NUF2: variants seen among roughly 807,000 people sequenced by gnomAD.
NUF2 encodes NUF2 component of NDC80 kinetochore complex.
NUF2 carries 34 observed loss-of-function variants against 61.8 expected under a neutral mutation model. The observed-to-expected ratio is 0.55, with a 90% confidence interval of 0.42 to 0.73. The LOEUF (loss-of-function observed/expected upper bound fraction) is 0.73, where lower values mean the gene tolerates loss of function less well. Among genes scored for constraint, NUF2 ranks in the 30% least tolerant of loss-of-function variants. The pLI, the probability that NUF2 is intolerant of heterozygous loss-of-function variation, is 0.00. For missense variants in NUF2, 445 were observed against 539.1 expected (o/e 0.83, Z 1.73); for synonymous variants, 172 against 181.6 (o/e 0.95, Z 0.42).
chr1:163,338,927 A>C (rs1650848772), intron 7 of NUF2, among the ~76,000 whole-genome samples: 1 of 151,612 alleles, frequency 6.6e-6, no homozygotes, highest in South Asian at 2.1e-4. Context: ...AAAATAGCTA[A>C]TATATCAGAT....
rs12027430 is a variant in NUF2 at position 163,341,881 on chromosome 1, C to T, written c.669+1455C>T. Among the ~76,000 whole-genome samples, 2,245 of 152,232 alleles carry T rather than the reference C, an allele frequency of 0.015. 144 individuals carry two copies. In the East Asian group the frequency reaches 0.19, roughly 13 times the overall value. On this transcript the variant is annotated intron_variant, in intron 9 of 13. Coordinates refer to ENST00000271452, the MANE Select transcript of NUF2 (RefSeq NM_145697.3). ...CTGACCTCAGGGGACCTGCCCACCT[C>T]GGCCTCTGAAAGTGCCAGGATTACA...
At chr1:163,333,617 C>T (rs1650667618) in intron 5 of NUF2, among the ~76,000 whole-genome samples, 1 of 151,882 alleles carries the variant, frequency 6.6e-6, no homozygotes. Flanking sequence ...GTATTTGCTC[C>T]AAGTTTCAGT....
chr1:163,327,945 A>G (rs1650480717), intron 3 of NUF2: 2 of 379,338 alleles, frequency 5.3e-6, no homozygotes, highest in South Asian at 6.9e-5. Flanking sequence ...GATTGAAACA[A>G]TTGAAATGAG....
chr1:163,326,275 A>G, intron 2 of NUF2, 101 bp downstream of exon 2: 2 of 1,008,474 alleles, frequency 2.0e-6, no homozygotes, highest in Non-Finnish European at 2.9e-6. Context: ...CTCCTATTTG[A>G]TGGAGACCAG....
chr1:163,345,298 CGTT>C (rs1041793780), intron 10 of NUF2, among the ~76,000 whole-genome samples: 1 of 151,876 alleles, frequency 6.6e-6, no homozygotes, highest in African/African-American at 2.4e-5. Context: ...CTATAGTAGT[CGTT>C]ATTATACAAA....
chr1:163,331,277 A>G lies in NUF2; in HGVS notation c.337+2370A>G, dbSNP rs367999928. On this transcript the variant is annotated intron_variant, in intron 5 of 13. Coordinates refer to ENST00000271452, the MANE Select transcript of NUF2 (RefSeq NM_145697.3). The stretch of plus-strand genomic sequence containing the variant: ...CTTTTCGGCCTCTAGTGAGATAATC[A>G]TGGGTTTTCTCTTTTTTAATCTACC... Among the ~76,000 whole-genome samples the G allele has an allele frequency of 2.6e-4, 39 of 151,940 alleles. 1 individual carries two copies. The East Asian group carries it at 5.2e-3, about 20-fold the overall frequency.
intron 8 of NUF2, among the ~76,000 whole-genome samples, chr1:163,339,765 T>C (rs1241410696): frequency 1.3e-5 from 2 of 152,154 alleles, no homozygotes; most frequent in African/African-American, 4.8e-5. Flanking sequence ...GCACCCTGGA[T>C]ACTGCAGTAA....
chr1:163,323,388 T>C (rs1360555093), intron 1 of NUF2, among the ~76,000 whole-genome samples: 2 of 151,706 alleles, frequency 1.3e-5, no homozygotes, highest in Admixed American at 6.5e-5. Context: ...GAAGGGAACA[T>C]CTAATATGTG....
chr1:163,334,836 G>A (rs924714958), intron 5 of NUF2, among the ~76,000 whole-genome samples: 5 of 152,098 alleles, frequency 3.3e-5, no homozygotes, highest in African/African-American at 1.2e-4. Flanking sequence ...TTGAGCCCTC[G>A]GTGGATATGA....
intron 9 of NUF2, among the ~76,000 whole-genome samples, chr1:163,343,331 G>C (rs948577730): frequency 2.0e-5 from 3 of 152,178 alleles, no homozygotes; most frequent in Non-Finnish European, 2.9e-5. Context: ...GAAAATGGGA[G>C]CAGGATTTTC....
chr1:163,332,996 C>CG (rs1650646939), intron 5 of NUF2, among the ~76,000 whole-genome samples: 2 of 152,076 alleles, frequency 1.3e-5, no homozygotes, highest in African/African-American at 4.8e-5. Flanking sequence ...TGGTTAATAG[C>CG]GTTGTTCAAG....
intron 11 of NUF2, 67 bp downstream of exon 11, chr1:163,345,885 C>T: frequency 8.6e-7 from 1 of 1,161,352 alleles, no homozygotes; most frequent in Non-Finnish European, 1.2e-6. Context: ...TTGTATTTTG[C>T]TTTCACTTTT....
intron 5 of NUF2, among the ~76,000 whole-genome samples, chr1:163,333,634 G>A (rs1650668047): frequency 6.6e-6 from 1 of 151,882 alleles, no homozygotes; most frequent in Admixed American, 6.6e-5. Flanking sequence ...CAGTATACAT[G>A]TATATATCTT....
chr1:163,341,398 C>T (rs1283668901), intron 9 of NUF2, among the ~76,000 whole-genome samples: 1 of 151,692 alleles, frequency 6.6e-6, no homozygotes, highest in Non-Finnish European at 1.5e-5. Context: ...TTAGTAGAGG[C>T]GGGGTTTTAC....
intron 12 of NUF2, 47 bp from the exon 13 acceptor site, chr1:163,348,898 T>C (rs1651219272): frequency 1.3e-6 from 2 of 1,582,342 alleles, no homozygotes; most frequent in Non-Finnish European, 1.7e-6. Flanking sequence ...TTTGCCTTTT[T>C]AGTTGCTGAA....
At chr1:163,332,564 C>G (rs928933522) in intron 5 of NUF2, among the ~76,000 whole-genome samples, 32 of 152,050 alleles carry the variant, frequency 2.1e-4, no homozygotes, top group African/African-American at 7.7e-4. Context: ...TCAGATGGCT[C>G]TAGGAGAGAG....
At chr1:163,342,880 A>G (rs1223176554) in intron 9 of NUF2, among the ~76,000 whole-genome samples, 2 of 152,130 alleles carry the variant, frequency 1.3e-5, no homozygotes, top group Admixed American at 6.5e-5. Context: ...AAATGTATTT[A>G]TGTGTTATAT....
intron 13 of NUF2, among the ~76,000 whole-genome samples, chr1:163,352,790 C>T (rs909137837): frequency 3.1e-4 from 47 of 152,006 alleles, no homozygotes; most frequent in African/African-American, 8.9e-4. Context: ...GTCGTGAACC[C>T]GGGAGGCGGA....
At chr1:163,343,022 G>T (rs1650997215) in intron 9 of NUF2, among the ~76,000 whole-genome samples, 1 of 152,044 alleles carries the variant, frequency 6.6e-6, no homozygotes, top group Admixed American at 6.5e-5. Context: ...AAATTCATAG[G>T]AATTTTTTTT....
Sources: allele counts gnomAD v4.1 joint callset (sites outside exome capture counted in the v4.1 genomes callset), GRCh38; gene constraint gnomAD v4.1.1; transcripts MANE v1.5; gene names NCBI Gene and HGNC (gene_info 2026-07-23, HGNC 2026-07-21).